ITPK1: variants seen among roughly 807,000 people sequenced by gnomAD.
ITPK1 encodes the protein inositol 1,3,4-trisphosphate 5/6-kinase.
In ITPK1, 21 loss-of-function variants were observed where a neutral mutation model predicts 45.3. The ratio of observed to expected loss-of-function variants is 0.46; its 90% CI spans 0.33 to 0.67. The LOEUF (loss-of-function observed/expected upper bound fraction) is 0.67, where lower values mean the gene tolerates loss of function less well. Ranked by LOEUF, ITPK1 falls within the 30% of genes least tolerant of loss-of-function variation. The pLI is 0.02. For synonymous variants in ITPK1, 258 were observed against 253.6 expected (o/e 1.02, Z -0.16); for missense variants, 474 against 573.5 (o/e 0.83, Z 1.77).
At chr14:93,062,718 G>A (rs1890581609) in intron 3 of ITPK1, among the ~76,000 whole-genome samples, 2 of 152,172 alleles carry the variant, frequency 1.3e-5, no homozygotes, top group Admixed American at 1.3e-4. Context: ...GCTATTTGAA[G>A]TCGTAAAGCA....
At chr14:93,114,297 T>C (rs1316364767) in intron 2 of ITPK1, among the ~76,000 whole-genome samples, 1 of 152,166 alleles carries the variant, frequency 6.6e-6, no homozygotes, top group Non-Finnish European at 1.5e-5. Flanking sequence ...CACCGGAGAC[T>C]CCGCCAAGGA....
intron 3 of ITPK1, among the ~76,000 whole-genome samples, chr14:93,072,313 A>G (rs1891044493): frequency 6.6e-6 from 1 of 151,714 alleles, no homozygotes; most frequent in African/African-American, 2.4e-5. Flanking sequence ...AAAAAAAAAA[A>G]AAATTAAATA....
intron 6 of ITPK1, 89 bp from the exon 7 acceptor site, chr14:92,962,484 A>T: frequency 1.1e-6 from 1 of 907,618 alleles, no homozygotes; most frequent in Non-Finnish European, 1.9e-6. Context: ...AAGGAACTCT[A>T]GCTGAGACAC....
intron 6 of ITPK1, 147 bp from the exon 7 acceptor site, chr14:92,962,542 C>G (rs895219384): frequency 2.7e-6 from 2 of 749,696 alleles, no homozygotes; most frequent in African/African-American, 3.4e-5. Flanking sequence ...TGTGGGTAGA[C>G]ACCCCCAGGC....
chr14:92,939,645 G>A lies in ITPK1; in HGVS notation c.*1916C>T. 1.0e-6 allele frequency: 1 copy of A among 978,244 alleles called. No individual in the cohort carries two copies. The highest frequency in any genetic ancestry group is 1.2e-6 in the Non-Finnish European group (1 of 823,718). The allele number at this position is 978,244 out of a possible 1,614,324, so 60.6% of individuals were successfully genotyped here. ...GACGCCACCACGACACCACATGGCAGTTACTCGGTATCTGGGCCCTGGACG... is the reference window on the plus strand; with the variant it reads ...GACGCCACCACGACACCACATGGCAATTACTCGGTATCTGGGCCCTGGACG... On this transcript the variant is annotated 3_prime_UTR_variant, in exon 11 of 11. Transcript: ENST00000267615.
chr14:93,037,105 C>T (rs1415134076), intron 3 of ITPK1: 1 of 152,330 alleles, frequency 6.6e-6, no homozygotes, highest in Non-Finnish European at 1.5e-5. Flanking sequence ...CTGGGTGGCT[C>T]CTGCTCTGAG....
At chr14:93,090,027 C>T (rs950106645) in intron 2 of ITPK1, among the ~76,000 whole-genome samples, 1 of 152,128 alleles carries the variant, frequency 6.6e-6, no homozygotes, top group South Asian at 2.1e-4. Context: ...GGCCACCAGG[C>T]GGTCTCCCTG....
At position 92,958,384 on chromosome 14, in the gene ITPK1, CA is replaced by C. The variant is rs767428475; in HGVS notation, c.505-19del. The C allele has an allele frequency of 4.3e-6, 7 of 1,613,426 alleles. No individual in the cohort carries two copies. The Admixed American group carries it at 1.0e-4, about 23-fold the overall frequency. ...ATAGCCATCTGGGAAGACAAGGGGT[CA>C]AAAGCTCTGTCAGAATCCACCACCT... On this transcript the variant is annotated intron_variant, in intron 7 of 10. Transcript: ENST00000267615. This position sits in a 1 kb window ranked among gnomAD's most constrained non-coding sequence, Gnocchi z 4.4.
At chr14:93,027,547 A>C (rs1207571787) in intron 3 of ITPK1, among the ~76,000 whole-genome samples, 2 of 152,180 alleles carry the variant, frequency 1.3e-5, no homozygotes, top group Non-Finnish European at 2.9e-5. Context: ...GGAGGGGGCC[A>C]GGGAGGCAGA....
chr14:92,959,398 G>C (rs890840715), intron 7 of ITPK1, among the ~76,000 whole-genome samples: 5 of 152,240 alleles, frequency 3.3e-5, no homozygotes, highest in African/African-American at 9.6e-5. Context: ...GTCACGGAGC[G>C]CCGGCCCTAC....
rs1001028556 is a variant in ITPK1, at chr14:93,077,760, C to T, written c.96-1141G>A. On this transcript the variant is annotated intron_variant, in intron 2 of 10. Coordinates refer to ENST00000267615, the MANE Select transcript of ITPK1 (RefSeq NM_014216.6). ...TCGGCTCAGCATAGCCTCTCCAGGA[C>T]GCCTCCTAACCTGGAAGAACTTAAG... Among the ~76,000 whole-genome samples, 6 of 152,132 alleles carry T rather than the reference C, an allele frequency of 3.9e-5. No individual in the cohort carries two copies. In the East Asian group the frequency reaches 5.8e-4, roughly 15 times the overall value.
At chr14:93,050,793 G>A (rs77118868) in intron 3 of ITPK1, among the ~76,000 whole-genome samples, 119 of 152,012 alleles carry the variant, frequency 7.8e-4, no homozygotes, top group African/African-American at 2.6e-3. Flanking sequence ...ACCTCCAGTC[G>A]CCAGCATCGG....
intron 4 of ITPK1, among the ~76,000 whole-genome samples, chr14:93,007,083 G>A (rs1259768779): frequency 6.6e-6 from 1 of 151,974 alleles, no homozygotes; most frequent in East Asian, 1.9e-4. Context: ...GAAGGGGTCG[G>A]TCATCTGGCC....
chr14:93,067,779 C>T (rs1890821039), intron 3 of ITPK1: 1 of 152,612 alleles, frequency 6.6e-6, no homozygotes, highest in African/African-American at 2.4e-5. Context: ...TATTAAAAAA[C>T]ACTATGGGGA....
intron 8 of ITPK1, among the ~76,000 whole-genome samples, chr14:92,953,214 G>C (rs1251860830): frequency 6.6e-6 from 1 of 152,270 alleles, no homozygotes; most frequent in Non-Finnish European, 1.5e-5. Context: ...TGATTCGGGC[G>C]GAAGCCAAGC....
At chr14:93,090,972 C>T (rs1374083212) in intron 2 of ITPK1, among the ~76,000 whole-genome samples, 1 of 152,170 alleles carries the variant, frequency 6.6e-6, no homozygotes, top group Admixed American at 6.5e-5. Flanking sequence ...CTCCTCATCC[C>T]TTCCTCCGCA....
chr14:92,951,351 C>G (rs1887945445), intron 9 of ITPK1, among the ~76,000 whole-genome samples: 1 of 152,188 alleles, frequency 6.6e-6, no homozygotes, highest in African/African-American at 2.4e-5. Context: ...AAACCCCAGC[C>G]TTGCACCGTG....
chr14:92,975,443 C>T (rs1394635420), intron 5 of ITPK1, among the ~76,000 whole-genome samples: 1 of 152,198 alleles, frequency 6.6e-6, no homozygotes, highest in African/African-American at 2.4e-5. Flanking sequence ...GCCTGCCTTG[C>T]TCATCTCTGT....
chr14:92,942,201 C>T (rs1887464663), intron 10 of ITPK1, among the ~76,000 whole-genome samples: 1 of 152,226 alleles, frequency 6.6e-6, no homozygotes, highest in Admixed American at 6.5e-5. Context: ...TCAGGCACAG[C>T]TCCACTGTCT....
Sources: allele counts gnomAD v4.1 joint callset (sites outside exome capture counted in the v4.1 genomes callset), GRCh38; gene constraint gnomAD v4.1.1; non-coding constraint Gnocchi (gnomAD v3.1); transcripts MANE v1.5; gene names NCBI Gene and HGNC (gene_info 2026-07-23, HGNC 2026-07-21).